Variants in PRX observed in about 807,000 individuals in gnomAD.
PRX encodes the protein periaxin.
A neutral mutation model predicts 29.6 loss-of-function variants in PRX; 24 were observed. The observed-to-expected ratio is 0.81, with a 90% CI of 0.59 to 1.14. PRX has a LOEUF of 1.14. Among genes scored for constraint, PRX ranks in the 50% most tolerant of loss-of-function variants. The probability of loss-of-function intolerance (pLI) is 0.00; values close to 1 mark genes in which losing one functional copy is unlikely to be tolerated. For missense variants in PRX, 1,838 were observed against 1,926.4 expected (o/e 0.95, Z 0.86); for synonymous variants, 772 against 831.7 (o/e 0.93, Z 1.24).
chr19:40,394,141 C>G lies in PRX; in HGVS notation c.4211G>C (p.Arg1404Thr). The change falls in exon 7 of 7, where the codon AGA becomes ACA. Residue 1404 changes from arginine (R) to threonine (T), a missense_variant. By Grantham distance (71) the Arg-to-Thr change is moderately conservative. Around this residue, in one of 3 missense-constraint regions of PRX, gnomAD observed 1,143 missense variants for 1,193.0 expected, o/e 0.96. Transcript: ENST00000324001. This position sits in a 1 kb window ranked among gnomAD's most constrained non-coding sequence, Gnocchi z 5.8. ...EGDAAPKSPV[R>T]EKSPKFRFPR... ...GAAGCGGAACTTGGGTGACTTCTCT[C>G]TGACGGGGGACTTGGGGGCTGCATC... 6.3e-7 allele frequency: 1 copy of G among 1,597,404 alleles called. No homozygotes were observed.
chr19:40,403,918 G>A, intron 4 of PRX, 56 bp from the exon 5 acceptor site: 4 of 1,571,424 alleles, frequency 2.5e-6, no homozygotes, highest in Non-Finnish European at 3.4e-6. Flanking sequence ...CTCGCCCAGA[G>A]CCCGCCATTG....
In PRX at chr19:40,398,910, A is replaced by G; in HGVS notation, c.185-94T>C. On this transcript the variant is annotated intron_variant, in intron 5 of 6. Coordinates refer to ENST00000324001, the MANE Select transcript of PRX (RefSeq NM_181882.3). This position sits in a 1 kb window ranked among gnomAD's most constrained non-coding sequence, Gnocchi z 6.3. Reference sequence around the variant, plus strand: ...CTTGCACGGAGCCCTCGCGGTGAGGACCCGCCCCAAATTTTAGTTTCTCCA... The same window carrying G: ...CTTGCACGGAGCCCTCGCGGTGAGGGCCCGCCCCAAATTTTAGTTTCTCCA... 1 of 1,575,700 alleles carries G rather than the reference A, an allele frequency of 6.3e-7. No homozygotes were observed. Among genetic ancestry groups the G allele is most frequent in the Non-Finnish European group, 8.6e-7 (1 of 1,160,496 alleles).
At chr19:40,399,905 T>TTCTTTCTTTCTTTTTC (rs1555801711) in intron 5 of PRX, among the ~76,000 whole-genome samples, 1 of 73,970 alleles carries the variant, frequency 1.4e-5, no homozygotes, top group Non-Finnish European at 2.6e-5. Context: ...CTTTCTTTCT[T>TTCTTTCTTTCTTTTTC]TTTCTTTCTT....
In PRX at chr19:40,398,159, G is replaced by C; in HGVS notation, c.382-189C>G. 7.0e-7 allele frequency: 1 copy of C among 1,431,852 alleles called. No individual in the cohort carries two copies. The highest frequency in any genetic ancestry group is 9.1e-7 in the Non-Finnish European group (1 of 1,097,862). 88.7% of individuals were successfully genotyped at this position (1,431,852 alleles called of 1,614,324 possible). A position where few individuals can be genotyped will look rare whatever the true frequency, so the allele number is the denominator to read the frequency against. On this transcript the variant is annotated intron_variant, in intron 6 of 6. Transcript: ENST00000324001. The surrounding 1 kb of genome is among the most constrained non-coding windows in gnomAD (Gnocchi z 6.3). Reference sequence around the variant, plus strand: ...CCCAGGAAAGCAGGCAGCCATCTAGGATCTCCAAATGAGTCAACAGGAGTG... The same window carrying C: ...CCCAGGAAAGCAGGCAGCCATCTAGCATCTCCAAATGAGTCAACAGGAGTG...
At chr19:40,408,123 G>A (rs1362349080) in intron 3 of PRX, 35 bp downstream of exon 3, 8 of 715,254 alleles carry the variant, frequency 1.1e-5, no homozygotes, top group Non-Finnish European at 1.9e-5. Context: ...GGTATTAGAA[G>A]GGGAGAAGGG....
Position 40,396,232 on chromosome 19 carries a change from G to A in PRX, c.2120C>T (p.Pro707Leu), listed in dbSNP as rs1179794603. ...ACAGACTTTGGGCAGCTGCACCTCT[G>A]GGAGGTGCACATCGGGCACGGCCAT... ...PEMAVPDVHLPEVQLPKVCEM... is the reference protein window; with the variant it reads ...PEMAVPDVHLLEVQLPKVCEM... Residue 707 changes from proline to leucine, a missense_variant, in exon 7 of 7, where the codon CCA becomes CTA. Physicochemically the swap from Pro to Leu is moderately conservative, Grantham distance 98 (BLOSUM62 -3). Coordinates refer to ENST00000324001, the MANE Select transcript of PRX (RefSeq NM_181882.3). 3.1e-6 allele frequency: 5 copies of A among 1,613,638 alleles called. No homozygotes were observed. Among genetic ancestry groups the A allele is most frequent in the Non-Finnish European group, 4.2e-6 (5 of 1,179,968 alleles).
chr19:40,414,741 A>T (rs2079573461), upstream of PRX, among the ~76,000 whole-genome samples: 1 of 151,854 alleles, frequency 6.6e-6, no homozygotes, highest in South Asian at 2.1e-4. Context: ...GTACCCCCAC[A>T]TGCCACTTGA....
chr19:40,403,750 A>G lies in PRX; in HGVS notation c.140T>C (p.Leu47Pro), dbSNP rs1164688478. The G allele has an allele frequency of 1.9e-6, 3 of 1,579,006 alleles. No individual in the cohort carries two copies. Among genetic ancestry groups the G allele is most frequent in the Admixed American group, 1.8e-5 (1 of 56,256 alleles). The change falls in exon 5 of 7, where the codon CTG becomes CCG. Residue 47 changes from leucine to proline, a missense_variant. Physicochemically the swap from Leu to Pro is moderately conservative, Grantham distance 98. This residue lies in a region of PRX where 666 missense variants were observed against 665.0 expected (regional missense o/e 1.00). Transcript: ENST00000324001. ...GGKEGIFVRELREDSPAARSL... is the reference protein window; with the variant it reads ...GGKEGIFVREPREDSPAARSL... Reference sequence around the variant, plus strand: ...CCTGGCGGCGGGTGAGTCCTCGCGCAGCTCCCGAACGAAGATTCCCTCTTT... The same window carrying G: ...CCTGGCGGCGGGTGAGTCCTCGCGCGGCTCCCGAACGAAGATTCCCTCTTT...
At position 40,408,204 on chromosome 19, in the gene PRX, G is replaced by C. The variant is rs529757956; in HGVS notation, c.-146C>G. ...TCCTCCTAACAGGAGCCCAGCCCGA[G>C]GTGCCGCACAGCTGTCTGCAGGGCT... On this transcript the variant is annotated 5_prime_UTR_variant, in exon 3 of 7. Coordinates refer to ENST00000324001, the MANE Select transcript of PRX (RefSeq NM_181882.3). 75 of 579,452 alleles carry C rather than the reference G, an allele frequency of 1.3e-4. No homozygotes were observed. Among genetic ancestry groups the C allele is most frequent in the African/African-American group, 1.0e-3 (55 of 53,572 alleles). The allele number at this position is 579,452 out of a possible 1,614,324, so 35.9% of individuals were successfully genotyped here.
chr19:40,395,662 C>CT lies in PRX; in HGVS notation c.2689_2690insA (p.Arg897GlnfsTer6). 6.2e-7 allele frequency: 1 copy of CT among 1,614,166 alleles called. No homozygotes were observed. Among genetic ancestry groups the CT allele is most frequent in the Non-Finnish European group, 8.5e-7 (1 of 1,180,026 alleles). On this transcript the variant is annotated frameshift_variant, in exon 7 of 7. Coordinates refer to ENST00000324001, the MANE Select transcript of PRX (RefSeq NM_181882.3). LOFTEE classifies it low-confidence loss of function (END_TRUNC). ...GGTGACAATTTCAACAGAGGGCACT[C>CT]GGAAGCCCACTTCCCTGACCCCTGC...
rs76960467 is a variant in PRX, at chr19:40,397,071, G to A, written c.1281C>T (p.Ile427=). The A allele has an allele frequency of 1.0e-3, 1,686 of 1,614,056 alleles. 12 individuals are homozygous for A. In the African/African-American group the frequency reaches 0.018, roughly 17 times the overall value. The change falls in exon 7 of 7, where the codon ATC becomes ATT. Residue 427 remains isoleucine, a synonymous_variant. Transcript: ENST00000324001. ...LPTIKMPSLG[I]GVSGPEVKVP... ...CCTTGACCTCGGGCCCTGACACTCC[G>A]ATGCCAAGGGAGGGCATCTTGATGG...
rs1451098331 is a variant in PRX at position 40,403,868 on chromosome 19, GAGGGCGGCGAGGTGTCGCGTTGGGGCTCT to G, written c.28-35_28-7del. ...AACTCCGCCCGCCTCAGCTCCTGCA[GAGGGCGGCGAGGTGTCGCGTTGGGGCTCT>G]AGGGCCGGACCTCGCCCAGAGCCCG... On this transcript the variant is annotated splice_region_variant and splice_polypyrimidine_tract_variant and intron_variant, in intron 4 of 6. Coordinates refer to ENST00000324001, the MANE Select transcript of PRX (RefSeq NM_181882.3). 1.9e-6 allele frequency: 3 copies of G among 1,606,702 alleles called. No individual in the cohort carries two copies. The highest frequency in any genetic ancestry group is 1.7e-6 in the Non-Finnish European group (2 of 1,178,906).
Position 40,398,547 on chromosome 19 carries a change from G to A in PRX, c.381+73C>T, listed in dbSNP as rs751523868. On this transcript the variant is annotated intron_variant, in intron 6 of 6. Transcript: ENST00000324001. This position sits in a 1 kb window ranked among gnomAD's most constrained non-coding sequence, Gnocchi z 6.3. Reference sequence around the variant, plus strand: ...GGGCAAGGCTGGCCCACGATGGCGGGGAATGGGGCTCACGGCGCAGAGACC... The same window carrying A: ...GGGCAAGGCTGGCCCACGATGGCGGAGAATGGGGCTCACGGCGCAGAGACC... The A allele has an allele frequency of 1.9e-6, 3 of 1,596,916 alleles. No individual in the cohort carries two copies. The highest frequency in any genetic ancestry group is 3.4e-5 in the Admixed American group (2 of 59,588).
In PRX at chr19:40,394,947, G is replaced by A. The variant is rs1359310179; in HGVS notation, c.3405C>T (p.Val1135=). 1 of 1,608,916 alleles carries A rather than the reference G, an allele frequency of 6.2e-7. No homozygotes were observed. Among genetic ancestry groups the A allele is most frequent in the Non-Finnish European group, 8.5e-7 (1 of 1,179,300 alleles). The change falls in exon 7 of 7, where the codon GTC becomes GTT. Residue 1135 remains valine, a synonymous_variant. Coordinates refer to ENST00000324001, the MANE Select transcript of PRX (RefSeq NM_181882.3). The surrounding 1 kb of genome is among the most constrained non-coding windows in gnomAD (Gnocchi z 5.8). ...TCAGCCCCGCGTCATGGCCCTCAGT[G>A]ACCACCTGCCCGGCTGTGGACACCT... ...GLKVSTAGQV[V]TEGHDAGLRM... is the part of the protein sequence containing the mutation.
At position 40,394,916 on chromosome 19, in the gene PRX, G is replaced by A; in HGVS notation, c.3436C>T (p.Pro1146Ser). ...TGTGGCAGGGAGATGCCCAGCGGAGGCATCCTCAGCCCCGCGTCATGGCCC... is the reference window on the plus strand; with the variant it reads ...TGTGGCAGGGAGATGCCCAGCGGAGACATCCTCAGCCCCGCGTCATGGCCC... ...TEGHDAGLRM[P>S]PLGISLPQVE... The change falls in exon 7 of 7, where the codon CCT (proline) becomes TCT (serine). Residue 1146 changes from proline (P) to serine (S), a missense_variant. Around this residue, in one of 3 missense-constraint regions of PRX, gnomAD observed 1,143 missense variants for 1,193.0 expected, o/e 0.96. Transcript: ENST00000324001. This position sits in a 1 kb window ranked among gnomAD's most constrained non-coding sequence, Gnocchi z 5.8. The A allele has an allele frequency of 6.2e-7, 1 of 1,610,140 alleles. No individual in the cohort carries two copies. The highest frequency in any genetic ancestry group is 1.1e-5 in the South Asian group (1 of 91,072).
Position 40,398,243 on chromosome 19 carries a change from T to G in PRX, c.382-273A>C. The G allele has an allele frequency of 7.1e-7, 1 of 1,414,272 alleles. No homozygotes were observed. Among genetic ancestry groups the G allele is most frequent in the African/African-American group, 1.4e-5 (1 of 69,420 alleles). The allele number at this position is 1,414,272 out of a possible 1,614,324, so 87.6% of individuals were successfully genotyped here. ...TCCGGGATTTTCCCCAACATCCTCA[T>G]TCTAGAGATGGGGAAACTGAGGCCC... is the stretch of plus-strand genomic sequence containing the variant. On this transcript the variant is annotated intron_variant, in intron 6 of 6. Transcript: ENST00000324001. This position sits in a 1 kb window ranked among gnomAD's most constrained non-coding sequence, Gnocchi z 6.3.
intron 5 of PRX, among the ~76,000 whole-genome samples, chr19:40,402,181 T>C (rs1451765301): frequency 1.3e-5 from 2 of 150,800 alleles, no homozygotes; most frequent in African/African-American, 4.9e-5. Flanking sequence ...TGAAACCCCG[T>C]CTCTACTAAA....
chr19:40,408,380 C>T lies in PRX; in HGVS notation c.-239G>A, dbSNP rs944251812. On this transcript the variant is annotated 5_prime_UTR_variant, in exon 2 of 7. Transcript: ENST00000324001. ...AGCTCCTTGGGCCTCCTGGGTCCGG[C>T]GCTCTAAGAAGAATAATGTGAGCAG... 4.1e-5 allele frequency: 12 copies of T among 293,020 alleles called. No homozygotes were observed. Among genetic ancestry groups the T allele is most frequent in the Admixed American group, 3.5e-4 (8 of 22,538 alleles). 18.2% of individuals were successfully genotyped at this position (293,020 alleles called of 1,614,324 possible).
chr19:40,410,186 G>T (rs1023851591), intron 1 of PRX, among the ~76,000 whole-genome samples: 2 of 152,132 alleles, frequency 1.3e-5, no homozygotes, highest in Non-Finnish European at 2.9e-5. Flanking sequence ...CCCATCTGGG[G>T]AAATGGAGAT....
Sources: allele counts gnomAD v4.1 joint callset (sites outside exome capture counted in the v4.1 genomes callset), GRCh38; gene constraint gnomAD v4.1.1; regional missense constraint gnomAD v4.1.1; non-coding constraint Gnocchi (gnomAD v3.1); transcripts MANE v1.5; gene names NCBI Gene and HGNC (gene_info 2026-07-23, HGNC 2026-07-21).